Variants in MIS18BP1 observed in about 807,000 individuals in gnomAD.
The protein encoded by MIS18BP1 is mis18-binding protein 1.
MIS18BP1 carries 72 observed loss-of-function variants against 116.1 expected under a neutral mutation model. The observed-to-expected ratio is 0.62, with a 90% CI of 0.51 to 0.75. MIS18BP1 has a LOEUF of 0.75. Ranked by LOEUF, MIS18BP1 falls within the 30% of genes least tolerant of loss-of-function variation. MIS18BP1 has a pLI of 0.00. For missense variants in MIS18BP1, 1,363 were observed against 1,303.2 expected (o/e 1.05, Z -0.71); for synonymous variants, 386 against 427.0 (o/e 0.90, Z 1.18).
intron 4 of MIS18BP1, chr14:45,241,558 C>G (rs189211393): frequency 3.9e-5 from 6 of 152,708 alleles, no homozygotes; most frequent in Non-Finnish European, 7.3e-5. Flanking sequence ...TTCCATTCCA[C>G]TTCCTTCAGA....
intron 5 of MIS18BP1, 35 bp downstream of exon 5, chr14:45,237,613 G>C: frequency 1.3e-6 from 2 of 1,578,094 alleles, no homozygotes; most frequent in Non-Finnish European, 1.7e-6. Flanking sequence ...CATAACTAAA[G>C]TTTTATTAAA....
intron 1 of MIS18BP1, among the ~76,000 whole-genome samples, chr14:45,251,166 T>C: frequency 6.6e-6 from 1 of 152,178 alleles, no homozygotes; most frequent in East Asian, 1.9e-4. Flanking sequence ...TTTAAACTTA[T>C]TTTTACTGTA....
At position 45,211,002 on chromosome 14, in the gene MIS18BP1, G is replaced by A. The variant is rs139071180; in HGVS notation, c.3004-474C>T. ...ATTTGTCACCCTCTTTATTCAGCCT[G>A]TAACCGAGTAGCGTGGCTTCAAACC... On this transcript the variant is annotated intron_variant, in intron 13 of 16. Coordinates refer to ENST00000310806, the MANE Select transcript of MIS18BP1 (RefSeq NM_018353.5). 9.8e-5 allele frequency among the ~76,000 whole-genome samples: 15 copies of A among 152,296 alleles called. No homozygotes were observed. The East Asian group carries it at 2.7e-3, about 27-fold the overall frequency.
intron 13 of MIS18BP1, among the ~76,000 whole-genome samples, chr14:45,215,765 C>T (rs1890800380): frequency 6.8e-6 from 1 of 147,600 alleles, no homozygotes; most frequent in Admixed American, 6.9e-5. Context: ...AGTGCTGTGG[C>T]ACCATCTCAG....
At chr14:45,249,525 C>T (rs913969666) in intron 1 of MIS18BP1, among the ~76,000 whole-genome samples, 2 of 152,160 alleles carry the variant, frequency 1.3e-5, no homozygotes, top group African/African-American at 4.8e-5. Flanking sequence ...TCTGGCTTAG[C>T]TGTTCATTTC....
intron 11 of MIS18BP1, among the ~76,000 whole-genome samples, chr14:45,222,093 T>TTCTTTTG (rs1890991604): frequency 1.3e-5 from 2 of 152,244 alleles, no homozygotes; most frequent in Non-Finnish European, 2.9e-5. Flanking sequence ...GTTTAGACGG[T>TTCTTTTG]ATTTTTCTAT....
At chr14:45,235,732 T>TA (rs1289830021) in intron 6 of MIS18BP1, 82 bp downstream of exon 6, 39 of 1,209,048 alleles carry the variant, frequency 3.2e-5, no homozygotes, top group South Asian at 1.1e-4. Flanking sequence ...AATTAAAAGT[T>TA]AAAAAAATGT....
chr14:45,223,571 G>A (rs990667646), intron 11 of MIS18BP1, among the ~76,000 whole-genome samples: 6 of 152,072 alleles, frequency 3.9e-5, no homozygotes, highest in Admixed American at 2.0e-4. Flanking sequence ...GCGAGACTCC[G>A]TCTCAATCAA....
chr14:45,216,664 A>G (rs937538571), intron 13 of MIS18BP1, among the ~76,000 whole-genome samples: 3 of 152,204 alleles, frequency 2.0e-5, no homozygotes, highest in African/African-American at 7.2e-5. Context: ...ATCTTTTAAT[A>G]CTGTGCTACT....
intron 13 of MIS18BP1, among the ~76,000 whole-genome samples, chr14:45,215,263 T>C (rs1489508802): frequency 1.3e-5 from 2 of 152,310 alleles, no homozygotes; most frequent in South Asian, 2.1e-4. Context: ...TTAAACTTTA[T>C]AAAGCATTGT....
In MIS18BP1 at chr14:45,242,834, A is replaced by T; in HGVS notation, c.585T>A (p.Asp195Glu). 3 of 1,613,406 alleles carry T rather than the reference A, an allele frequency of 1.9e-6. No homozygotes were observed. The highest frequency in any genetic ancestry group is 2.5e-6 in the Non-Finnish European group (3 of 1,179,592). The part of the protein sequence containing the change: ...QGVPLESSNN[D>E]IFLPVKQKIQ... ...TCTTTTGTTTGACCGGGAGGAAAAT[A>T]TCATTATTTGATGATTCTAGAGGAA... is the stretch of plus-strand genomic sequence containing the variant. Residue 195 changes from aspartate to glutamate, a missense_variant, in exon 3 of 17, where the codon GAT becomes GAA. Transcript: ENST00000310806.
In MIS18BP1 at chr14:45,242,424, A is replaced by G; in HGVS notation, c.753T>C (p.Phe251=). The change falls in exon 4 of 17, where the codon TTT becomes TTC. Residue 251 remains phenylalanine, a synonymous_variant. Coordinates refer to ENST00000310806, the MANE Select transcript of MIS18BP1 (RefSeq NM_018353.5). ...TTGCAACTATACTCTCCTTTGAGTG[A>G]AAAATTTGTTTAGCCAACTGAGCTC... ...LTRAQLAKQI[F]HSKESIVATT... The G allele has an allele frequency of 1.2e-6, 2 of 1,613,854 alleles. No homozygotes were observed. The highest frequency in any genetic ancestry group is 2.2e-5 in the South Asian group (2 of 90,982).
intron 13 of MIS18BP1, among the ~76,000 whole-genome samples, chr14:45,211,654 G>T (rs1890675697): frequency 6.6e-6 from 1 of 152,128 alleles, no homozygotes. Context: ...CCTATTGCTG[G>T]TTACAATTTT....
chr14:45,238,088 C>A (rs1262526062), intron 4 of MIS18BP1, among the ~76,000 whole-genome samples: 1 of 150,936 alleles, frequency 6.6e-6, no homozygotes, highest in Admixed American at 6.6e-5. Flanking sequence ...AAGGAGTTAG[C>A]TATGTTTTGT....
chr14:45,218,106 C>T (rs1890872236), intron 12 of MIS18BP1, among the ~76,000 whole-genome samples, 176 bp downstream of exon 12: 1 of 152,162 alleles, frequency 6.6e-6, no homozygotes, highest in Non-Finnish European at 1.5e-5. Flanking sequence ...CTGATGGAAG[C>T]AGAGACCCAG....
intron 13 of MIS18BP1, among the ~76,000 whole-genome samples, chr14:45,215,115 G>T (rs938540639): frequency 6.6e-6 from 1 of 152,210 alleles, no homozygotes; most frequent in African/African-American, 2.4e-5. Flanking sequence ...AACCTGAAAT[G>T]ATGGTGGGAT....
chr14:45,246,406 T>C (rs1891722645), intron 2 of MIS18BP1, among the ~76,000 whole-genome samples: 1 of 152,188 alleles, frequency 6.6e-6, no homozygotes, highest in South Asian at 2.1e-4. Flanking sequence ...TCAAGATACA[T>C]GTATCTGTCA....
intron 2 of MIS18BP1, among the ~76,000 whole-genome samples, chr14:45,246,339 C>T (rs1891721007): frequency 6.6e-6 from 1 of 152,308 alleles, no homozygotes; most frequent in East Asian, 1.9e-4. Context: ...TTCAACATGT[C>T]AGGCATGCTA....
chr14:45,213,723 G>T (rs982703441), intron 13 of MIS18BP1, among the ~76,000 whole-genome samples: 2 of 152,072 alleles, frequency 1.3e-5, no homozygotes, highest in Non-Finnish European at 2.9e-5. Flanking sequence ...GTTAACCATT[G>T]TGGGGAAAAG....
Sources: gnomAD v4.1 joint callset for allele counts (sites outside exome capture counted in the v4.1 genomes callset) on GRCh38, gnomAD v4.1.1 for gene constraint, MANE v1.5 for transcripts, NCBI Gene and HGNC (gene_info 2026-07-23, HGNC 2026-07-21) for gene names.